TACC1: variants seen among roughly 807,000 people sequenced by gnomAD.
TACC1 encodes transforming acidic coiled-coil containing protein 1.
In TACC1, 48 loss-of-function variants were observed where a neutral mutation model predicts 84.4. The observed-to-expected ratio is 0.57, with a 90% CI of 0.45 to 0.72. The LOEUF (loss-of-function observed/expected upper bound fraction) is 0.72. Among genes scored for constraint, TACC1 ranks in the 30% least tolerant of loss-of-function variants. The pLI, the probability that TACC1 is intolerant of heterozygous loss-of-function variation, is 0.00. For missense variants in TACC1, 920 were observed against 973.0 expected (o/e 0.95, Z 0.72); for synonymous variants, 372 against 376.3 (o/e 0.99, Z 0.13).
At chr8:38,844,678 G>A (rs1420394483) in intron 11 of TACC1, among the ~76,000 whole-genome samples, 1 of 152,112 alleles carries the variant, frequency 6.6e-6, no homozygotes, top group Non-Finnish European at 1.5e-5. Flanking sequence ...AATTTTTCAA[G>A]TTTATCATTT....
Position 38,819,518 on chromosome 8 carries a change from T to G in TACC1, c.278-4T>G. ...TAATAGATGGTTTTTGTGTTTCATT[T>G]TAGAATCACAAGAAGCTGATGAACA... On this transcript the variant is annotated splice_polypyrimidine_tract_variant and splice_region_variant and intron_variant, in intron 2 of 12. Coordinates refer to ENST00000317827, the MANE Select transcript of TACC1 (RefSeq NM_006283.3). 1 of 1,595,564 alleles carries G rather than the reference T, an allele frequency of 6.3e-7. No homozygotes were observed. Among genetic ancestry groups the G allele is most frequent in the Non-Finnish European group, 8.6e-7 (1 of 1,169,268 alleles).
rs1208320531 is a variant in TACC1 at position 38,850,419 on chromosome 8, A to G, written c.*2396A>G. 1 of 152,194 alleles carries G rather than the reference A, an allele frequency of 6.6e-6. No individual in the cohort carries two copies. Among genetic ancestry groups the G allele is most frequent in the Non-Finnish European group, 1.5e-5 (1 of 68,042 alleles). 9.4% of individuals were successfully genotyped at this position (152,194 alleles called of 1,614,324 possible). ...AAGGATTTTGGAACTCTGGAGAGTA[A>G]GAATATAGTATAGAGTTTGCCTCAA... On this transcript the variant is annotated 3_prime_UTR_variant, in exon 13 of 13. Coordinates refer to ENST00000317827, the MANE Select transcript of TACC1 (RefSeq NM_006283.3).
chr8:38,810,227 A>T (rs1444774078), intron 2 of TACC1, among the ~76,000 whole-genome samples: 3 of 151,822 alleles, frequency 2.0e-5, no homozygotes, highest in Non-Finnish European at 2.9e-5. Context: ...CAATAATATT[A>T]CTCTTTTAAT....
At chr8:38,770,991 C>CGA (rs1273315672) in intron 3 of TACC1, among the ~76,000 whole-genome samples, 2 of 152,096 alleles carry the variant, frequency 1.3e-5, no homozygotes, top group Non-Finnish European at 2.9e-5. Flanking sequence ...CAGTTGTCAG[C>CGA]GAGAGGCTTA....
chr8:38,804,263 C>T (rs1408506193), intron 2 of TACC1, among the ~76,000 whole-genome samples: 1 of 152,046 alleles, frequency 6.6e-6, no homozygotes, highest in Non-Finnish European at 1.5e-5. Flanking sequence ...TTTTCACACT[C>T]AATGTCAAGA....
chr8:38,768,360 G>A (rs1812683450), intron 3 of TACC1, among the ~76,000 whole-genome samples: 1 of 152,174 alleles, frequency 6.6e-6, no homozygotes, highest in South Asian at 2.1e-4. Flanking sequence ...CCCTGCATTG[G>A]ATGCAGAGGG....
intron 3 of TACC1, among the ~76,000 whole-genome samples, chr8:38,747,483 C>A (rs1808286001): frequency 6.6e-6 from 1 of 152,102 alleles, no homozygotes; most frequent in Admixed American, 6.5e-5. Context: ...AATGGATAAA[C>A]CGTGATATAT....
chr8:38,741,975 C>T (rs1807163956), intron 1 of TACC1, among the ~76,000 whole-genome samples: 1 of 152,138 alleles, frequency 6.6e-6, no homozygotes, highest in African/African-American at 2.4e-5. Flanking sequence ...GTAAATGGAA[C>T]AAAACAAAAG....
chr8:38,842,548 T>G, intron 10 of TACC1, 101 bp downstream of exon 10: 1 of 1,298,404 alleles, frequency 7.7e-7, no homozygotes, highest in Non-Finnish European at 1.1e-6. Flanking sequence ...GGGTATCCTT[T>G]TAAATAGGAG....
At chr8:38,821,202 C>CAA (rs879753323) in intron 3 of TACC1, among the ~76,000 whole-genome samples, 1 of 130,998 alleles carries the variant, frequency 7.6e-6, no homozygotes. Flanking sequence ...GACTCCATCT[C>CAA]AAAAAAAAAA....
Position 38,848,602 on chromosome 8 carries a change from C to T in TACC1, c.*579C>T, listed in dbSNP as rs1186363174. ...CTGAAGCATAGTCAAGTAAGAACTG[C>T]TCTACAGAAGGACATATTTCCTTGG... is the stretch of plus-strand genomic sequence containing the variant. On this transcript the variant is annotated 3_prime_UTR_variant, in exon 13 of 13. Coordinates refer to ENST00000317827, the MANE Select transcript of TACC1 (RefSeq NM_006283.3). 6.6e-6 allele frequency: 1 copy of T among 152,650 alleles called. No individual in the cohort carries two copies. Among genetic ancestry groups the T allele is most frequent in the Non-Finnish European group, 1.5e-5 (1 of 68,048 alleles). 9.5% of individuals were successfully genotyped at this position (152,650 alleles called of 1,614,324 possible).
chr8:38,784,136 C>T (rs556665677), upstream of TACC1, among the ~76,000 whole-genome samples: 143 of 152,256 alleles, frequency 9.4e-4, no homozygotes, highest in Non-Finnish European at 1.4e-3. Context: ...CAGGTAAGAA[C>T]GAAGCCAGGA....
chr8:38,812,126 C>T (rs960469429), intron 2 of TACC1, among the ~76,000 whole-genome samples: 11 of 152,142 alleles, frequency 7.2e-5, no homozygotes, highest in Admixed American at 2.0e-4. Context: ...TCTCTGCTCT[C>T]GAACCCTGTT....
At chr8:38,772,080 A>T (rs1351464282) in intron 3 of TACC1, among the ~76,000 whole-genome samples, 1 of 152,208 alleles carries the variant, frequency 6.6e-6, no homozygotes, top group Non-Finnish European at 1.5e-5. Context: ...GCAAGCAGGC[A>T]ATGCTTCAAT....
chr8:38,785,586 G>T (rs564016878), upstream of TACC1: 6 of 585,580 alleles, frequency 1.0e-5, no homozygotes, highest in Non-Finnish European at 1.3e-5. Context: ...GGGATGCAAA[G>T]GAATGAAAAG....
intron 3 of TACC1, among the ~76,000 whole-genome samples, chr8:38,747,000 C>T (rs1304702463): frequency 1.3e-5 from 2 of 152,036 alleles, no homozygotes; most frequent in East Asian, 1.9e-4. Context: ...GCTAAACACT[C>T]CAATTAAAAG....
intron 2 of TACC1, among the ~76,000 whole-genome samples, chr8:38,801,593 GT>G (rs1403169316): frequency 6.6e-6 from 1 of 152,044 alleles, no homozygotes; most frequent in African/African-American, 2.4e-5. Context: ...CGTTATGCTG[GT>G]ACCACCACAC....
intron 3 of TACC1, among the ~76,000 whole-genome samples, chr8:38,771,569 G>A (rs1474232919): frequency 6.6e-6 from 1 of 152,170 alleles, no homozygotes; most frequent in Non-Finnish European, 1.5e-5. Flanking sequence ...GTAAGAGAGT[G>A]AGGGTGTACA....
At chr8:38,834,221 T>G (rs902054868) in intron 6 of TACC1, among the ~76,000 whole-genome samples, 4 of 152,244 alleles carry the variant, frequency 2.6e-5, no homozygotes, top group Admixed American at 6.5e-5. Context: ...GAGGATCTGC[T>G]TCCAAGCTCA....
Sources: gnomAD v4.1 joint callset for allele counts (sites outside exome capture counted in the v4.1 genomes callset) on GRCh38, gnomAD v4.1.1 for gene constraint, MANE v1.5 for transcripts, NCBI Gene and HGNC (gene_info 2026-07-23, HGNC 2026-07-21) for gene names.